Variants in ULK4 observed in about 807,000 individuals in gnomAD.
ULK4 encodes inactive serine/threonine-protein kinase ULK4.
ULK4 carries 133 observed loss-of-function variants against 160.6 expected under a neutral mutation model. The observed-to-expected ratio is 0.83, with a 90% CI of 0.72 to 0.96. The LOEUF is 0.96. Ranked by LOEUF, ULK4 falls within the 40% of genes least tolerant of loss-of-function variation. ULK4 has a pLI of 0.00. For missense variants in ULK4, 1,580 were observed against 1,499.5 expected, an observed-to-expected ratio of 1.05 and a Z score of -0.89; for synonymous variants, 534 against 539.8, an observed-to-expected ratio of 0.99 and a Z score of 0.15.
chr3:41,449,465 G>A (rs2083377421), intron 34 of ULK4, among the ~76,000 whole-genome samples: 1 of 152,146 alleles, frequency 6.6e-6, no homozygotes, highest in African/African-American at 2.4e-5. Context: ...TCTTTAAATG[G>A]AGTACTGACT....
intron 32 of ULK4, among the ~76,000 whole-genome samples, chr3:41,533,824 T>C (rs57206986): frequency 0.064 from 9,816 of 152,282 alleles, 946 homozygotes; most frequent in African/African-American, 0.21. Flanking sequence ...TTTTTGTTTT[T>C]TGAGATGGAG....
At chr3:41,405,849 A>C (rs1382317447) in intron 34 of ULK4, among the ~76,000 whole-genome samples, 1 of 150,362 alleles carries the variant, frequency 6.7e-6, no homozygotes, top group Admixed American at 6.6e-5. Flanking sequence ...TTGCTTTTTC[A>C]ATTGTTTAAG....
At chr3:41,935,193 T>TTTAATTTA (rs1699725368) in intron 4 of ULK4, among the ~76,000 whole-genome samples, 1 of 23,602 alleles carries the variant, frequency 4.2e-5, no homozygotes, top group African/African-American at 7.3e-5. Flanking sequence ...TTTTTTGTGT[T>TTTAATTTA]TTTATTTATT....
At chr3:41,392,445 A>T (rs1009175048) in intron 35 of ULK4, among the ~76,000 whole-genome samples, 6 of 152,170 alleles carry the variant, frequency 3.9e-5, no homozygotes, top group African/African-American at 1.4e-4. Flanking sequence ...AGAAATGTCA[A>T]GAATCCAGGG....
At chr3:41,593,225 A>C (rs1307942692) in intron 31 of ULK4, among the ~76,000 whole-genome samples, 1 of 152,150 alleles carries the variant, frequency 6.6e-6, no homozygotes, top group Non-Finnish European at 1.5e-5. Flanking sequence ...ACAACTACCC[A>C]CTTTGCTGTC....
intron 34 of ULK4, among the ~76,000 whole-genome samples, chr3:41,420,471 CTTTCTTTTTTT>C (rs1180993010): frequency 3.2e-5 from 2 of 63,248 alleles, no homozygotes; most frequent in East Asian, 7.8e-4. Flanking sequence ...TTTTCCAGTT[CTTTCTTTTTTT>C]TTTTTTTTTT....
In ULK4 at chr3:41,819,500, T is replaced by C; in HGVS notation, c.1771A>G (p.Lys591Glu). 1.9e-6 allele frequency: 3 copies of C among 1,600,546 alleles called. No homozygotes were observed. Among genetic ancestry groups the C allele is most frequent in the Non-Finnish European group, 2.5e-6 (3 of 1,178,268 alleles). The stretch of plus-strand genomic sequence containing the variant: ...CAGCACTCTCTAGGGTTCTTTTTTT[T>C]TTCTTCCTAAAATGAAGTGGGAAAA... ...LIYLVATQEE[K>E]KKNPRECWAV... is the part of the protein sequence containing the mutation. Residue 591 changes from lysine (K) to glutamate (E), a missense_variant, in exon 19 of 37, where the codon AAA (lysine) becomes GAA (glutamate). Coordinates refer to ENST00000301831, the MANE Select transcript of ULK4 (RefSeq NM_017886.4).
At chr3:41,802,012 A>T (rs78160225) in intron 19 of ULK4, among the ~76,000 whole-genome samples, 1 of 152,044 alleles carries the variant, frequency 6.6e-6, no homozygotes, top group African/African-American at 2.4e-5. Context: ...TAAGTACCAA[A>T]AGAAAAAAAA....
chr3:41,764,172 C>A (rs2039081051), intron 21 of ULK4, among the ~76,000 whole-genome samples: 1 of 152,136 alleles, frequency 6.6e-6, no homozygotes, highest in Admixed American at 6.5e-5. Context: ...AAAATATAAT[C>A]TTACACGTGA....
At chr3:41,772,596 A>T (rs1016518023) in intron 21 of ULK4, among the ~76,000 whole-genome samples, 1 of 152,236 alleles carries the variant, frequency 6.6e-6, no homozygotes, top group Admixed American at 6.5e-5. Context: ...TCAACCAAAA[A>T]AAGTCCAGGA....
At chr3:41,671,100 G>A (rs2035523070) in intron 29 of ULK4, among the ~76,000 whole-genome samples, 1 of 152,044 alleles carries the variant, frequency 6.6e-6, no homozygotes, top group Non-Finnish European at 1.5e-5. Context: ...TATCAAAGGT[G>A]AAAAATATCC....
intron 35 of ULK4, among the ~76,000 whole-genome samples, chr3:41,289,845 ATGTATG>A (rs1450158033): frequency 7.3e-5 from 11 of 151,074 alleles, no homozygotes; most frequent in African/African-American, 2.7e-4. Flanking sequence ...GTATGTATGT[ATGTATG>A]TATGTACGTA....
intron 22 of ULK4, among the ~76,000 whole-genome samples, chr3:41,733,724 G>GTTTTT (rs2037915843): frequency 9.0e-6 from 1 of 111,442 alleles, no homozygotes; most frequent in African/African-American, 5.1e-5. Context: ...CTAAACACAT[G>GTTTTT]ATTTTTTTTT....
At chr3:41,300,886 T>TATATATATATATATA (rs2079782287) in intron 35 of ULK4, among the ~76,000 whole-genome samples, 5 of 127,142 alleles carry the variant, frequency 3.9e-5, no homozygotes, top group Non-Finnish European at 6.6e-5. Flanking sequence ...TATATATATA[T>TATATATATATATATA]TTGGTATCTT....
At chr3:41,960,293 G>C (rs955266834) in intron 1 of ULK4, among the ~76,000 whole-genome samples, 4 of 151,960 alleles carry the variant, frequency 2.6e-5, no homozygotes, top group African/African-American at 4.8e-5. Flanking sequence ...AGATAGGGTG[G>C]TTTGTTACTT....
At chr3:41,653,171 T>C (rs1391934182) in intron 30 of ULK4, among the ~76,000 whole-genome samples, 1 of 152,148 alleles carries the variant, frequency 6.6e-6, no homozygotes, top group Non-Finnish European at 1.5e-5. Flanking sequence ...ACCACCTCCG[T>C]TACTGAGCTC....
chr3:41,322,706 C>T (rs1203966887), intron 35 of ULK4, among the ~76,000 whole-genome samples: 1 of 152,206 alleles, frequency 6.6e-6, no homozygotes, highest in Non-Finnish European at 1.5e-5. Flanking sequence ...ATTTAATGCT[C>T]AGCAGATATT....
chr3:41,412,553 A>ATTTTTTTTTTTTTTTTTTTTT lies in ULK4; in HGVS notation c.3493-14310_3493-14290dup, dbSNP rs57224854. Among the ~76,000 whole-genome samples the ATTTTTTTTTTTTTTTTTTTTT allele has an allele frequency of 8.0e-4, 80 of 100,420 alleles. 7 individuals carry two copies. Among genetic ancestry groups the ATTTTTTTTTTTTTTTTTTTTT allele is most frequent in the African/African-American group, 1.7e-3 (41 of 24,082 alleles). 65.9% of individuals were successfully genotyped at this position (100,420 alleles called of 152,430 possible). On this transcript the variant is annotated intron_variant, in intron 34 of 36. Transcript: ENST00000301831. ...TAAAGGTCAATGGCAATGCAGTTGA[A>ATTTTTTTTTTTTTTTTTTTTT]TTTTTTTTTTTTTTTTTTTTTTTTT...
intron 32 of ULK4, 81 bp downstream of exon 32, chr3:41,565,944 T>C: frequency 1.0e-6 from 1 of 985,696 alleles, no homozygotes; most frequent in Non-Finnish European, 1.5e-6. Flanking sequence ...CTTTAAGTGG[T>C]ACTTCTAGAC....
Sources: allele counts gnomAD v4.1 joint callset (sites outside exome capture counted in the v4.1 genomes callset), GRCh38; gene constraint gnomAD v4.1.1; transcripts MANE v1.5; gene names NCBI Gene and HGNC (gene_info 2026-07-23, HGNC 2026-07-21).